NAV1: variants seen among roughly 807,000 people sequenced by gnomAD.
NAV1 encodes neuron navigator 1.
Under a neutral mutation model 175.2 loss-of-function variants are expected in NAV1, and 18 were observed. That is an observed-to-expected ratio of 0.10 (90% confidence interval 0.07 to 0.15). The LOEUF (loss-of-function observed/expected upper bound fraction) is 0.15. Among genes scored for constraint, NAV1 ranks in the 10% least tolerant of loss-of-function variants. The pLI is 1.00. For synonymous variants in NAV1, 897 were observed against 978.7 expected (o/e 0.92, Z 1.56); for missense variants, 1,731 against 2,436.6 (o/e 0.71, Z 6.10).
chr1:201,548,733 A>T (rs563557668), intron 1 of NAV1, among the ~76,000 whole-genome samples: 1 of 152,254 alleles, frequency 6.6e-6, no homozygotes, highest in Non-Finnish European at 1.5e-5. Context: ...AAGGTACAAG[A>T]TAACTCATAA....
At chr1:201,736,596 C>G (rs1461459011) in intron 3 of NAV1, among the ~76,000 whole-genome samples, 1 of 152,156 alleles carries the variant, frequency 6.6e-6, no homozygotes, top group Non-Finnish European at 1.5e-5. Context: ...GAATTACCCC[C>G]TCCCAGGAAT....
At chr1:201,650,941 C>T (rs1669178639) in intron 1 of NAV1, among the ~76,000 whole-genome samples, 1 of 152,154 alleles carries the variant, frequency 6.6e-6, no homozygotes, top group African/African-American at 2.4e-5. Flanking sequence ...CAGTGTGGGG[C>T]TGAGCCTGTC....
rs1464379227 is a variant in NAV1 at position 201,782,825 on chromosome 1, C to T, written c.2313C>T (p.His771=). 2 of 1,600,948 alleles carry T rather than the reference C, an allele frequency of 1.2e-6. No individual in the cohort carries two copies. The highest frequency in any genetic ancestry group is 1.3e-5 in the African/African-American group (1 of 74,644). ...GTACTCCCAAGAACCAAGCAAGCCA[C>T]CCCACAGCCACCAAGCTGGCAGAGC... is the stretch of plus-strand genomic sequence containing the variant. Residue 771 remains histidine, a synonymous_variant, in exon 6 of 30, where the codon CAC becomes CAT. Coordinates refer to ENST00000367296, the Ensembl canonical transcript of NAV1. This position sits in a 1 kb window ranked among gnomAD's most constrained non-coding sequence, Gnocchi z 5.4.
chr1:201,637,492 C>G (rs1668644100), intron 2 of NAV1, among the ~76,000 whole-genome samples: 1 of 152,098 alleles, frequency 6.6e-6, no homozygotes, highest in Non-Finnish European at 1.5e-5. Flanking sequence ...ACAAGGTCAC[C>G]ACAGGTTTGG....
intron 3 of NAV1, among the ~76,000 whole-genome samples, chr1:201,722,262 C>A (rs2102494477): frequency 6.6e-6 from 1 of 152,278 alleles, no homozygotes; most frequent in Middle Eastern, 3.4e-3. Flanking sequence ...CTACCCTTTC[C>A]TCCTCCCTTC....
At chr1:201,566,391 T>C (rs1029135679) in intron 1 of NAV1, among the ~76,000 whole-genome samples, 4 of 152,058 alleles carry the variant, frequency 2.6e-5, no homozygotes, top group Non-Finnish European at 4.4e-5. Flanking sequence ...CAGTACCTAG[T>C]GATATTGCTC....
rs149158201 is a variant in NAV1 at position 201,706,982 on chromosome 1, C to T, written c.758-5835C>T. ...TATTACTACATCAGATTTTAGACTG[C>T]AGGCCAGAGGGGACCCCTGAGGTTC... On this transcript the variant is annotated intron_variant, in intron 1 of 29. Coordinates refer to ENST00000367296, the Ensembl canonical transcript of NAV1. Among the ~76,000 whole-genome samples the T allele has an allele frequency of 4.1e-3, 623 of 152,238 alleles. 4 individuals carry two copies. Among genetic ancestry groups the T allele is most frequent in the African/African-American group, 0.014 (589 of 41,526 alleles).
chr1:201,576,750 G>A lies in NAV1; in HGVS notation c.-143-11789G>A, dbSNP rs536018442. On this transcript the variant is annotated intron_variant, in intron 1 of 33. Transcript: ENST00000685211. ...GGTGTACCATTTTACATTTCTACCAGCAATGTATGAATGATCCAGTTTCTC... is the reference window on the plus strand; with the variant it reads ...GGTGTACCATTTTACATTTCTACCAACAATGTATGAATGATCCAGTTTCTC... Among the ~76,000 whole-genome samples the A allele has an allele frequency of 5.1e-4, 77 of 152,234 alleles. No individual in the cohort carries two copies. The Middle Eastern group carries it at 0.017, about 34-fold the overall frequency.
intron 24 of NAV1, among the ~76,000 whole-genome samples, chr1:201,811,137 T>C (rs1310314355): frequency 6.6e-6 from 1 of 152,236 alleles, no homozygotes; most frequent in Non-Finnish European, 1.5e-5. Context: ...CCCTTCTCTT[T>C]TGTTCTCTTC....
At chr1:201,567,384 T>C (rs986709314) in intron 1 of NAV1, among the ~76,000 whole-genome samples, 1 of 152,334 alleles carries the variant, frequency 6.6e-6, no homozygotes, top group East Asian at 1.9e-4. Flanking sequence ...GAGCCCGCGC[T>C]GTAGGAGCTG....
intron 1 of NAV1, among the ~76,000 whole-genome samples, chr1:201,541,426 G>A (rs1665509974): frequency 6.6e-6 from 1 of 152,164 alleles, no homozygotes; most frequent in African/African-American, 2.4e-5. Flanking sequence ...GGGTAAGTAG[G>A]CAAGCTTTGA....
chr1:201,703,264 G>T (rs1299620958), intron 1 of NAV1, among the ~76,000 whole-genome samples: 1 of 152,228 alleles, frequency 6.6e-6, no homozygotes, highest in Non-Finnish European at 1.5e-5. Context: ...GTCAAGGCCT[G>T]TTGGGGAACA....
intron 8 of NAV1, 44 bp from the exon 13 acceptor site, chr1:201,786,385 G>A (rs543528110): frequency 3.5e-5 from 55 of 1,581,440 alleles, no homozygotes; most frequent in East Asian, 6.8e-5. Context: ...ACCTCTGACC[G>A]CACTTGCTAG....
intron 2 of NAV1, among the ~76,000 whole-genome samples, chr1:201,632,134 G>A (rs1407698593): frequency 4.6e-5 from 7 of 152,196 alleles, no homozygotes; most frequent in East Asian, 1.9e-4. Context: ...GTCTTTGAGC[G>A]GAGCAGGAGA....
At chr1:201,556,502 G>A (rs1218216488) in intron 1 of NAV1, among the ~76,000 whole-genome samples, 1 of 152,186 alleles carries the variant, frequency 6.6e-6, no homozygotes, top group African/African-American at 2.4e-5. Flanking sequence ...GGGGGACAGT[G>A]GAGGGACTGT....
At chr1:201,608,475 C>T (rs748134534) in intron 2 of NAV1, among the ~76,000 whole-genome samples, 1 of 152,190 alleles carries the variant, frequency 6.6e-6, no homozygotes, top group Non-Finnish European at 1.5e-5. Flanking sequence ...GAGGCGACCC[C>T]GTTCAGAGAT....
intron 1 of NAV1, among the ~76,000 whole-genome samples, chr1:201,547,815 G>A (rs1175947867): frequency 2.6e-5 from 4 of 152,036 alleles, no homozygotes; most frequent in African/African-American, 7.3e-5. Flanking sequence ...TATTTTTTGA[G>A]ACGGAGTCTT....
At chr1:201,625,331 G>A (rs1668300137) in intron 1 of NAV1, among the ~76,000 whole-genome samples, 1 of 152,218 alleles carries the variant, frequency 6.6e-6, no homozygotes, top group Non-Finnish European at 1.5e-5. Context: ...CATCACCATG[G>A]TGGTTAGAAG....
At chr1:201,623,281 G>A (rs932320414) in exon 1 of NAV1, 4 of 985,894 alleles carry the variant, frequency 4.1e-6, no homozygotes, top group Non-Finnish European at 4.8e-6. Flanking sequence ...GAAGAAAAAA[G>A]CCCAGGAAGG....
Sources: gnomAD v4.1 joint callset for allele counts (sites outside exome capture counted in the v4.1 genomes callset) on GRCh38, gnomAD v4.1.1 for gene constraint, Gnocchi (gnomAD v3.1) non-coding constraint, MANE v1.5 for transcripts, NCBI Gene and HGNC (gene_info 2026-07-23, HGNC 2026-07-21) for gene names.